The following FER1L6 variants were observed in gnomAD, a reference collection of about 807,000 sequenced individuals.
FER1L6 encodes the protein fer-1-like protein 6.
Under a neutral mutation model 219.2 loss-of-function variants are expected in FER1L6, and 177 were observed. The ratio of observed to expected loss-of-function variants is 0.81; its 90% CI spans 0.71 to 0.91. FER1L6 has a LOEUF of 0.91. FER1L6 is among the 40% of genes least tolerant of loss of function. The pLI, the probability that FER1L6 is intolerant of heterozygous loss-of-function variation, is 0.00. For missense variants in FER1L6, 2,153 were observed against 2,259.9 expected, an observed-to-expected ratio of 0.95 and a Z score of 0.96; for synonymous variants, 768 against 824.3, an observed-to-expected ratio of 0.93 and a Z score of 1.17.
intron 1 of FER1L6, among the ~76,000 whole-genome samples, chr8:123,932,372 G>A (rs1364902887): frequency 6.6e-6 from 1 of 152,122 alleles, no homozygotes. Context: ...GCCTCCCAAA[G>A]TGCTGGGATT....
chr8:123,944,338 T>A (rs2130016426), intron 1 of FER1L6, among the ~76,000 whole-genome samples: 1 of 150,034 alleles, frequency 6.7e-6, no homozygotes, highest in African/African-American at 2.4e-5. Flanking sequence ...ATCCATTTTA[T>A]TATCAAATAT....
At chr8:123,916,341 A>G (rs1159360508) in intron 1 of FER1L6, among the ~76,000 whole-genome samples, 1 of 152,218 alleles carries the variant, frequency 6.6e-6, no homozygotes, top group African/African-American at 2.4e-5. Context: ...CAACAGAAAC[A>G]TGTATTCGGG....
chr8:124,025,580 G>C (rs1420703583), intron 18 of FER1L6, among the ~76,000 whole-genome samples: 1 of 152,094 alleles, frequency 6.6e-6, no homozygotes, highest in African/African-American at 2.4e-5. Context: ...GGTGACTATA[G>C]CCTTGTATAA....
Position 124,021,648 on chromosome 8 carries a change from A to C in FER1L6, c.2112A>C (p.Lys704Asn), listed in dbSNP as rs377615459. ...MIHEAQNFVE[K>N]IRFLVDEPQH... ...ACGAAGCCCAAAACTTTGTGGAAAAAATCCGCTTTCTTGTTGATGAGGTAA... is the reference window on the plus strand; with the variant it reads ...ACGAAGCCCAAAACTTTGTGGAAAACATCCGCTTTCTTGTTGATGAGGTAA... The change falls in exon 17 of 41, where the codon AAA becomes AAC. Residue 704 changes from lysine to asparagine, a missense_variant. By Grantham distance (94) the Lys-to-Asn change is moderately conservative (BLOSUM62 0). Coordinates refer to ENST00000522917, the MANE Select transcript of FER1L6 (RefSeq NM_001039112.2). 3 of 1,614,144 alleles carry C rather than the reference A, an allele frequency of 1.9e-6. No homozygotes were observed. Among genetic ancestry groups the C allele is most frequent in the Non-Finnish European group, 2.5e-6 (3 of 1,180,000 alleles).
rs549739372 is a variant in FER1L6, at chr8:124,056,479, A to G, written c.2875-3701A>G. 5.3e-5 allele frequency among the ~76,000 whole-genome samples: 8 copies of G among 152,264 alleles called. No homozygotes were observed. The South Asian group carries it at 1.7e-3, about 32-fold the overall frequency. ...CATTTGTTTTTAATCTTCTTTGTCT[A>G]TGTGGTATAGATTTAACCTAAGTTC... On this transcript the variant is annotated intron_variant, in intron 22 of 40. Coordinates refer to ENST00000522917, the MANE Select transcript of FER1L6 (RefSeq NM_001039112.2).
intron 1 of FER1L6, among the ~76,000 whole-genome samples, chr8:123,936,964 G>A (rs974212958): frequency 2.6e-5 from 4 of 152,144 alleles, no homozygotes; most frequent in Admixed American, 2.6e-4. Context: ...GGAGTGCAAA[G>A]GCAAGATGTT....
intron 19 of FER1L6, among the ~76,000 whole-genome samples, chr8:124,038,809 C>G (rs1483595953): frequency 6.6e-6 from 1 of 152,162 alleles, no homozygotes; most frequent in African/African-American, 2.4e-5. Context: ...CTTAATTTAA[C>G]TAAGTAGCGT....
In FER1L6 at chr8:124,035,434, C is replaced by G; in HGVS notation, c.2444C>G (p.Pro815Arg). The change falls in exon 19 of 41, where the codon CCA (proline) becomes CGA (arginine). Residue 815 changes from proline (P) to arginine (R), a missense_variant. Physicochemically the swap from Pro to Arg is moderately radical, Grantham distance 103. Transcript: ENST00000522917. ...SSKGAGTNHP[P>R]SNLLYQEQHV... is the part of the protein sequence containing the mutation. Reference sequence around the variant, plus strand: ...AAAGGGGCTGGCACCAATCACCCCCCATCTAACCTGCTCTACCAAGGTAGG... The same window carrying G: ...AAAGGGGCTGGCACCAATCACCCCCGATCTAACCTGCTCTACCAAGGTAGG... 6.2e-7 allele frequency: 1 copy of G among 1,613,228 alleles called. No homozygotes were observed. Among genetic ancestry groups the G allele is most frequent in the Non-Finnish European group, 8.5e-7 (1 of 1,179,866 alleles).
At chr8:124,010,764 G>A (rs759338012) in intron 14 of FER1L6, 50 bp downstream of exon 14, 4 of 1,599,760 alleles carry the variant, frequency 2.5e-6, no homozygotes, top group South Asian at 1.1e-5. Context: ...AGCTGGTGGG[G>A]GAAGGGATTT....
intron 1 of FER1L6, among the ~76,000 whole-genome samples, chr8:123,883,978 G>A (rs552312127): frequency 6.6e-6 from 1 of 152,192 alleles, no homozygotes; most frequent in Non-Finnish European, 1.5e-5. Context: ...CACATTCAGA[G>A]CATGACATAC....
intron 34 of FER1L6, among the ~76,000 whole-genome samples, chr8:124,092,830 G>C (rs552725444): frequency 6.8e-6 from 1 of 147,404 alleles, no homozygotes; most frequent in Non-Finnish European, 1.5e-5. Flanking sequence ...AGGACGAAGA[G>C]AGAAAGCGGG....
intron 13 of FER1L6, chr8:124,004,326 T>G (rs1817564341): frequency 1.3e-5 from 2 of 152,196 alleles, no homozygotes; most frequent in Non-Finnish European, 2.9e-5. Context: ...GAGTCTTTTA[T>G]TGCCAGATCT....
At chr8:123,876,466 G>A (rs1817006135) in intron 1 of FER1L6, among the ~76,000 whole-genome samples, 1 of 151,380 alleles carries the variant, frequency 6.6e-6, no homozygotes, top group Admixed American at 6.6e-5. Flanking sequence ...CTACAGGCAT[G>A]TGCCACCACA....
chr8:123,936,979 T>C (rs1367846971), intron 1 of FER1L6, among the ~76,000 whole-genome samples: 1 of 152,164 alleles, frequency 6.6e-6, no homozygotes, highest in African/African-American at 2.4e-5. Context: ...GATGTTGGCC[T>C]ACTGCAACCT....
In FER1L6 at chr8:123,906,502, A is replaced by G. The variant is rs558110044; in HGVS notation, c.-7-49490A>G. ...ATATAAAAAGTTGCTCCCATTTAGTATAATAAAATGATTGTGGCTGGGTGC... is the reference window on the plus strand; with the variant it reads ...ATATAAAAAGTTGCTCCCATTTAGTGTAATAAAATGATTGTGGCTGGGTGC... On this transcript the variant is annotated intron_variant, in intron 1 of 40. Coordinates refer to ENST00000522917, the MANE Select transcript of FER1L6 (RefSeq NM_001039112.2). Among the ~76,000 whole-genome samples, 3 of 152,250 alleles carry G rather than the reference A, an allele frequency of 2.0e-5. No individual in the cohort carries two copies. In the East Asian group the frequency reaches 5.8e-4, roughly 29 times the overall value.
In FER1L6 at chr8:124,064,355, G is replaced by T; in HGVS notation, c.3337G>T (p.Asp1113Tyr). The change falls in exon 26 of 41, where the codon GAT (aspartate) becomes TAT (tyrosine). Residue 1113 changes from aspartate (D) to tyrosine (Y), a missense_variant. Coordinates refer to ENST00000522917, the MANE Select transcript of FER1L6 (RefSeq NM_001039112.2). ...ATGTGCTTTCATTTCAGATATTTCA[G>T]ATTCGCTAACAGCCACTGAGTCCTC... ...DGTQPGHDIS[D>Y]SLTATESSGA... is the part of the protein sequence containing the mutation. 2 of 1,612,716 alleles carry T rather than the reference G, an allele frequency of 1.2e-6. No individual in the cohort carries two copies. The highest frequency in any genetic ancestry group is 1.7e-4 in the Middle Eastern group (1 of 6,032).
intron 1 of FER1L6, among the ~76,000 whole-genome samples, chr8:123,856,304 A>ATGTGTGTG (rs1315109039): frequency 3.3e-5 from 2 of 60,430 alleles, no homozygotes; most frequent in African/African-American, 6.5e-5. Flanking sequence ...ATATATATAT[A>ATGTGTGTG]TATATGTATG....
At chr8:123,884,100 A>G (rs1817157704) in intron 1 of FER1L6, among the ~76,000 whole-genome samples, 1 of 152,214 alleles carries the variant, frequency 6.6e-6, no homozygotes, top group Non-Finnish European at 1.5e-5. Context: ...GGCTGTGTGC[A>G]CTACAAATCA....
At chr8:123,870,437 T>A (rs1816906386) in intron 1 of FER1L6, among the ~76,000 whole-genome samples, 1 of 152,216 alleles carries the variant, frequency 6.6e-6, no homozygotes, top group Non-Finnish European at 1.5e-5. Flanking sequence ...AAAGCTGTAG[T>A]ACATTCATGC....
Sources: gnomAD v4.1 joint callset for allele counts (sites outside exome capture counted in the v4.1 genomes callset) on GRCh38, gnomAD v4.1.1 for gene constraint, MANE v1.5 for transcripts, NCBI Gene and HGNC (gene_info 2026-07-23, HGNC 2026-07-21) for gene names.